The following DYNC2I2 variants were observed in gnomAD, a reference collection of about 807,000 sequenced individuals.
DYNC2I2 encodes dynein 2 intermediate chain 2, also known as cytoplasmic dynein 2 intermediate chain 2.
In DYNC2I2, 39 loss-of-function variants were observed where a neutral mutation model predicts 52.0. That is an observed-to-expected ratio of 0.75 (90% CI 0.58 to 0.98). DYNC2I2 has a LOEUF of 0.98. DYNC2I2 is among the 50% of genes least tolerant of loss of function. DYNC2I2 has a pLI of 0.00. For missense variants in DYNC2I2, 743 were observed against 728.4 expected, an observed-to-expected ratio of 1.02 and a Z score of -0.23; for synonymous variants, 359 against 321.1, an observed-to-expected ratio of 1.12 and a Z score of -1.26.
the DYNC2I2 span, among the ~76,000 whole-genome samples, chr9:128,667,269 A>G: frequency 5.9e-5 from 9 of 152,254 alleles, no homozygotes; most frequent in South Asian, 1.9e-3. Flanking sequence ...CTAAGGTGAG[A>G]GGATAACCTG....
the DYNC2I2 span, among the ~76,000 whole-genome samples, chr9:128,666,336 C>G: frequency 4.9e-5 from 7 of 143,490 alleles, no homozygotes; most frequent in African/African-American, 7.8e-5. Flanking sequence ...GAACCAAGAT[C>G]GTGCCACTGC....
At chr9:128,636,209 T>G (rs891539769) in intron 4 of DYNC2I2, 72 bp downstream of exon 4, 2 of 1,547,442 alleles carry the variant, frequency 1.3e-6, no homozygotes, top group African/African-American at 2.7e-5. Flanking sequence ...CATGGAAAGC[T>G]CCCTTGTGCC....
At chr9:128,668,239 G>A in the DYNC2I2 span, among the ~76,000 whole-genome samples, 56 of 144,476 alleles carry the variant, frequency 3.9e-4, 2 homozygotes, top group East Asian at 2.6e-3. Flanking sequence ...GATTACAGGC[G>A]TGAGCCACCA....
At chr9:128,676,469 G>A in the DYNC2I2 span, among the ~76,000 whole-genome samples, 1 of 152,020 alleles carries the variant, frequency 6.6e-6, no homozygotes, top group Non-Finnish European at 1.5e-5. Flanking sequence ...CAGCCTGGGT[G>A]ACAGAGAGAG....
chr9:128,652,980 G>A (rs1860746751), intron 1 of DYNC2I2, among the ~76,000 whole-genome samples: 1 of 148,896 alleles, frequency 6.7e-6, no homozygotes, highest in African/African-American at 2.5e-5. Flanking sequence ...TAATCCCCAA[G>A]CAGTTTGGGA....
At chr9:128,671,965 T>TTTTATTTA in the DYNC2I2 span, among the ~76,000 whole-genome samples, 13 of 142,924 alleles carry the variant, frequency 9.1e-5, no homozygotes, top group South Asian at 2.3e-4. Flanking sequence ...ATTTTTGTAT[T>TTTTATTTA]TTTATTTATT....
the DYNC2I2 span, among the ~76,000 whole-genome samples, chr9:128,672,346 G>A: frequency 6.6e-6 from 1 of 151,664 alleles, no homozygotes; most frequent in Non-Finnish European, 1.5e-5. Context: ...CTCGTGATCC[G>A]CCAGGCCTGG....
chr9:128,667,917 G>C, the DYNC2I2 span, among the ~76,000 whole-genome samples: 5 of 133,844 alleles, frequency 3.7e-5, no homozygotes, highest in African/African-American at 9.1e-5. Flanking sequence ...ATTTGTAGTA[G>C]AGATGGGGTT....
chr9:128,669,359 T>G, the DYNC2I2 span, among the ~76,000 whole-genome samples: 18 of 151,864 alleles, frequency 1.2e-4, no homozygotes, highest in Non-Finnish European at 2.2e-4. Flanking sequence ...AGCGAGACTC[T>G]GTCTCAAAAA....
chr9:128,634,214 G>A lies in DYNC2I2; in HGVS notation c.1372+12C>T, dbSNP rs994501719. Reference sequence around the variant, plus strand: ...CCCTTAAACAGATCCAGGCCTAGCGGCCCCTTCCTACCTTTCCCAGAGGCA... The same window carrying A: ...CCCTTAAACAGATCCAGGCCTAGCGACCCCTTCCTACCTTTCCCAGAGGCA... On this transcript the variant is annotated intron_variant, in intron 8 of 8. Transcript: ENST00000372715. 6.2e-7 allele frequency: 1 copy of A among 1,610,332 alleles called. No individual in the cohort carries two copies. Among genetic ancestry groups the A allele is most frequent in the African/African-American group, 1.3e-5 (1 of 75,034 alleles).
chr9:128,682,252 G>T, the DYNC2I2 span, among the ~76,000 whole-genome samples: 1 of 151,870 alleles, frequency 6.6e-6, no homozygotes, highest in Admixed American at 6.6e-5. Flanking sequence ...GCTTCACCGT[G>T]TTAGCCAGGA....
intron 1 of DYNC2I2, among the ~76,000 whole-genome samples, chr9:128,647,094 C>T (rs1036911196): frequency 2.0e-5 from 3 of 152,216 alleles, no homozygotes; most frequent in Non-Finnish European, 4.4e-5. Flanking sequence ...CATCACACTC[C>T]AGCCTGGGCA....
the DYNC2I2 span, chr9:128,684,083 TC>T: frequency 1.6e-6 from 2 of 1,223,740 alleles, no homozygotes; most frequent in Non-Finnish European, 2.3e-6. Context: ...TACCCCCCAA[TC>T]CCTCTTGAGA....
At chr9:128,645,065 A>G (rs1469185981) in intron 1 of DYNC2I2, among the ~76,000 whole-genome samples, 1 of 152,136 alleles carries the variant, frequency 6.6e-6, no homozygotes, top group East Asian at 1.9e-4. Flanking sequence ...AAGTAAGCCA[A>G]TTAGGCCAGG....
chr9:128,663,404 G>A, the DYNC2I2 span: 2 of 152,194 alleles, frequency 1.3e-5, no homozygotes, highest in East Asian at 3.9e-4. Context: ...GCAGGGACTA[G>A]GGAAGGAGAG....
intron 1 of DYNC2I2, chr9:128,652,284 T>A (rs1860731263): frequency 6.7e-6 from 1 of 150,056 alleles, no homozygotes; most frequent in Non-Finnish European, 1.5e-5. Flanking sequence ...ATACAAAAAT[T>A]AGCTGGGCAT....
chr9:128,667,695 G>T, the DYNC2I2 span, among the ~76,000 whole-genome samples: 2 of 151,502 alleles, frequency 1.3e-5, no homozygotes, highest in South Asian at 4.2e-4. Flanking sequence ...TCAGCTTCAC[G>T]AGTTGCTGGG....
chr9:128,679,858 A>T, the DYNC2I2 span, among the ~76,000 whole-genome samples: 15 of 151,990 alleles, frequency 9.9e-5, no homozygotes, highest in Admixed American at 2.0e-4. Context: ...CAAAAAATAG[A>T]TACACAGACA....
intron 1 of DYNC2I2, among the ~76,000 whole-genome samples, chr9:128,645,188 TAA>T (rs60929747): frequency 3.3e-3 from 468 of 143,056 alleles, no homozygotes; most frequent in Middle Eastern, 7.1e-3. Context: ...CCATCTCTAC[TAA>T]AAAAAAAAAA....
Sources: gnomAD v4.1 joint callset for allele counts (sites outside exome capture counted in the v4.1 genomes callset) on GRCh38, gnomAD v4.1.1 for gene constraint, MANE v1.5 for transcripts, NCBI Gene and HGNC (gene_info 2026-07-23, HGNC 2026-07-21) for gene names.